The following WIPF1 variants were observed in gnomAD, a reference collection of about 807,000 sequenced individuals.
WIPF1 encodes WAS/WASL interacting protein family member 1.
A neutral mutation model predicts 35.4 loss-of-function variants in WIPF1; 13 were observed. That is an observed-to-expected ratio of 0.37 (90% confidence interval 0.24 to 0.58). The LOEUF (loss-of-function observed/expected upper bound fraction) is 0.58. Among genes scored for constraint, WIPF1 ranks in the 20% least tolerant of loss-of-function variants. WIPF1 has a pLI of 0.74. For missense variants in WIPF1, 591 were observed against 667.0 expected, an observed-to-expected ratio of 0.89 and a Z score of 1.25; for synonymous variants, 267 against 266.3, an observed-to-expected ratio of 1.00 and a Z score of -0.02.
At chr2:174,575,425 C>A in intron 3 of WIPF1, 45 bp from the exon 4 acceptor site, 4 of 1,541,496 alleles carry the variant, frequency 2.6e-6, no homozygotes, top group Non-Finnish European at 2.6e-6. Context: ...CCTGGTCTGG[C>A]CCAGGTAAAC....
chr2:174,585,148 C>A (rs771234288), intron 2 of WIPF1, among the ~76,000 whole-genome samples: 7 of 152,160 alleles, frequency 4.6e-5, no homozygotes, highest in Non-Finnish European at 7.3e-5. Context: ...GGTTTCTAGA[C>A]CGTCCAGCCC....
At chr2:174,634,835 G>A (rs912217372) in intron 1 of WIPF1, among the ~76,000 whole-genome samples, 3 of 152,210 alleles carry the variant, frequency 2.0e-5, no homozygotes, top group Admixed American at 1.3e-4. Flanking sequence ...AACCTGAAGG[G>A]GGAAGGGAGA....
chr2:174,584,774 T>C (rs1355536122), intron 2 of WIPF1, among the ~76,000 whole-genome samples: 1 of 150,590 alleles, frequency 6.6e-6, no homozygotes, highest in Non-Finnish European at 1.5e-5. Context: ...TAGCTGGGCA[T>C]GGTGGTGCTT....
Position 174,572,212 on chromosome 2 carries a change from G to A in WIPF1, c.593C>T (p.Pro198Leu), listed in dbSNP as rs4972450. 0.95 allele frequency: 1,531,756 copies of A among 1,614,064 alleles called. 727,748 individuals are homozygous for A. Among genetic ancestry groups the A allele is most frequent in the East Asian group, 0.99 (44,389 of 44,868 alleles). Reference protein sequence around the residue: ...PSTPRPIQSSPHNRGSPPVPG... With the variant: ...PSTPRPIQSSLHNRGSPPVPG... ...CACTGGTGGGGACCCCCGGTTGTGC[G>A]GACTTGATTGAATGGGTCTTGGAGT... Residue 198 changes from proline to leucine, a missense_variant, in exon 5 of 8, where the codon CCG becomes CTG. Pro to Leu is a moderately conservative substitution (Grantham distance 98). This residue lies in a region of WIPF1 where 471 missense variants were observed against 501.1 expected (regional missense o/e 0.94). Transcript: ENST00000679041.
At position 174,668,774 on chromosome 2, in the gene WIPF1, G is replaced by A. The variant is rs116071600; in HGVS notation, c.-39+14000C>T. On this transcript the variant is annotated intron_variant, in intron 1 of 8. Coordinates refer to the WIPF1 transcript ENST00000272746. Reference sequence around the variant, plus strand: ...GAAGCATGCATGCAACAAACAGAGGGACATGAACAACACTGGGTCAGTGGT... The same window carrying A: ...GAAGCATGCATGCAACAAACAGAGGAACATGAACAACACTGGGTCAGTGGT... 5.5e-3 allele frequency among the ~76,000 whole-genome samples: 842 copies of A among 152,334 alleles called. 8 individuals carry two copies. The highest frequency in any genetic ancestry group is 0.018 in the African/African-American group (730 of 41,568).
intron 1 of WIPF1, among the ~76,000 whole-genome samples, chr2:174,680,856 CATTATCCTACTAG>C (rs1688231285): frequency 6.6e-6 from 1 of 152,188 alleles, no homozygotes; most frequent in South Asian, 2.1e-4. Context: ...CTTCACACCC[CATTATCCTACTAG>C]ATCCTCATAC....
rs2105781172 is a variant in WIPF1, at chr2:174,560,536, A to G, written c.*2011T>C. 1 of 152,752 alleles carries G rather than the reference A, an allele frequency of 6.5e-6. No individual in the cohort carries two copies. Among genetic ancestry groups the G allele is most frequent in the Non-Finnish European group, 1.5e-5 (1 of 68,018 alleles). The allele number at this position is 152,752 out of a possible 1,614,324, so 9.5% of individuals were successfully genotyped here. ...AAATCAGATAAAAGAATCCCAAATA[A>G]ATGATGCTGCTAAATTACCAAACTG... On this transcript the variant is annotated 3_prime_UTR_variant, in exon 8 of 8. Coordinates refer to ENST00000679041, the MANE Select transcript of WIPF1 (RefSeq NM_001375834.1).
intron 1 of WIPF1, among the ~76,000 whole-genome samples, chr2:174,657,407 G>C (rs1687664143): frequency 6.6e-6 from 1 of 152,180 alleles, no homozygotes; most frequent in African/African-American, 2.4e-5. Flanking sequence ...AAGTAAAGAA[G>C]TGAATTCAGG....
intron 1 of WIPF1, among the ~76,000 whole-genome samples, chr2:174,596,261 T>C (rs1422231084): frequency 6.6e-6 from 1 of 152,178 alleles, no homozygotes; most frequent in Non-Finnish European, 1.5e-5. Context: ...AAAACCTGAC[T>C]TAGTGAAAAA....
At position 174,572,151 on chromosome 2, in the gene WIPF1, A is replaced by G; in HGVS notation, c.654T>C (p.Thr218=). 1 of 1,612,966 alleles carries G rather than the reference A, an allele frequency of 6.2e-7. No homozygotes were observed. Among genetic ancestry groups the G allele is most frequent in the Non-Finnish European group, 8.5e-7 (1 of 1,179,490 alleles). ...CGCGGTTTCCAGGGAAAGGGGGAGG[A>G]GTGGGCCCGGGGCTGGGCTGCCTGG... ...GGPRQPSPGP[T]PPPFPGNRGT... Residue 218 remains threonine (T), a synonymous_variant, in exon 5 of 8, where the codon ACT becomes ACC. Transcript: ENST00000679041.
chr2:174,654,211 T>C (rs1200535257), intron 1 of WIPF1, among the ~76,000 whole-genome samples: 1 of 152,226 alleles, frequency 6.6e-6, no homozygotes, highest in Non-Finnish European at 1.5e-5. Context: ...AAATTGATCA[T>C]GGAGACATGC....
intron 1 of WIPF1, among the ~76,000 whole-genome samples, chr2:174,637,638 TG>T (rs1687210841): frequency 6.6e-6 from 1 of 152,074 alleles, no homozygotes; most frequent in South Asian, 2.1e-4. Flanking sequence ...ATACAAAAAA[TG>T]AGCCGGGCAT....
At chr2:174,651,359 C>G (rs1014554974) in intron 1 of WIPF1, among the ~76,000 whole-genome samples, 2 of 152,082 alleles carry the variant, frequency 1.3e-5, no homozygotes, top group African/African-American at 4.8e-5. Context: ...CAACAAAGTA[C>G]TTTTTTATGC....
intron 1 of WIPF1, among the ~76,000 whole-genome samples, chr2:174,588,800 T>C (rs983588862): frequency 2.0e-5 from 3 of 152,202 alleles, no homozygotes; most frequent in Admixed American, 6.5e-5. Flanking sequence ...CCACTTCAGA[T>C]GGACAGTGGG....
intron 1 of WIPF1, among the ~76,000 whole-genome samples, chr2:174,680,257 A>G (rs1688219974): frequency 6.6e-6 from 1 of 152,218 alleles, no homozygotes; most frequent in Non-Finnish European, 1.5e-5. Context: ...AACCTCTAGC[A>G]GGGACCCACA....
intron 1 of WIPF1, among the ~76,000 whole-genome samples, chr2:174,603,505 A>G (rs1686067984): frequency 6.6e-6 from 1 of 152,210 alleles, no homozygotes; most frequent in African/African-American, 2.4e-5. Context: ...GCTGCCACCT[A>G]TTGACTCCTC....
At chr2:174,574,668 C>A in intron 4 of WIPF1, 1 of 556,966 alleles carries the variant, frequency 1.8e-6, no homozygotes, top group Non-Finnish European at 3.2e-6. Flanking sequence ...CTGAAGGACT[C>A]ATGTCCATGG....
At chr2:174,596,714 C>T (rs544542172) in intron 1 of WIPF1, among the ~76,000 whole-genome samples, 2 of 152,136 alleles carry the variant, frequency 1.3e-5, no homozygotes, top group African/African-American at 2.4e-5. Flanking sequence ...ATGATGAAAC[C>T]CTGTCTCTAC....
At chr2:174,643,176 T>C (rs1026071414) in intron 1 of WIPF1, among the ~76,000 whole-genome samples, 3 of 149,262 alleles carry the variant, frequency 2.0e-5, no homozygotes, top group Non-Finnish European at 4.4e-5. Flanking sequence ...ATCTTCTTTG[T>C]GGTTGAGTAT....
Sources: gnomAD v4.1 joint callset for allele counts (sites outside exome capture counted in the v4.1 genomes callset) on GRCh38, gnomAD v4.1.1 for gene constraint, gnomAD v4.1.1 regional missense constraint, MANE v1.5 for transcripts, NCBI Gene and HGNC (gene_info 2026-07-23, HGNC 2026-07-21) for gene names.